Variants in MCC observed in about 807,000 individuals in gnomAD.
MCC encodes colorectal mutant cancer protein.
Under a neutral mutation model 116.2 loss-of-function variants are expected in MCC, and 90 were observed. That is an observed-to-expected ratio of 0.77 (90% CI 0.65 to 0.92). The LOEUF (loss-of-function observed/expected upper bound fraction) is 0.92, where lower values mean the gene tolerates loss of function less well. MCC is among the 40% of genes least tolerant of loss of function. The pLI is 0.00. For missense variants in MCC, 1,516 were observed against 1,312.2 expected (o/e 1.16, Z -2.40); for synonymous variants, 578 against 510.5 (o/e 1.13, Z -1.78).
chr5:113,437,628 A>C (rs899804524), intron 1 of MCC, among the ~76,000 whole-genome samples: 4 of 152,216 alleles, frequency 2.6e-5, no homozygotes, highest in Non-Finnish European at 4.4e-5. Context: ...TGAAGGAGAA[A>C]TAGTGCTGCA....
At chr5:113,394,607 G>T (rs1769480672) in intron 1 of MCC, among the ~76,000 whole-genome samples, 1 of 152,034 alleles carries the variant, frequency 6.6e-6, no homozygotes, top group African/African-American at 2.4e-5. Context: ...TTGTCCCTCT[G>T]CTCAGAACAT....
chr5:113,319,442 A>G (rs561037547), intron 3 of MCC, among the ~76,000 whole-genome samples: 5 of 152,204 alleles, frequency 3.3e-5, no homozygotes, highest in Admixed American at 1.3e-4. Context: ...GTCCTATTTG[A>G]TGCCATGTGG....
In MCC at chr5:113,121,981, G is replaced by T. The variant is rs144801738; in HGVS notation, c.1027+703C>A. Among the ~76,000 whole-genome samples, 242 of 152,298 alleles carry T rather than the reference G, an allele frequency of 1.6e-3. 3 individuals carry two copies. The highest frequency in any genetic ancestry group is 4.5e-3 in the Admixed American group (69 of 15,302). On this transcript the variant is annotated intron_variant, in intron 6 of 18. Transcript: ENST00000408903. ...TAACATTTTGACTGCAACCCAGTTAGAACATTCATTTGGCAACTTACTGCC... is the reference window on the plus strand; with the variant it reads ...TAACATTTTGACTGCAACCCAGTTATAACATTCATTTGGCAACTTACTGCC...
intron 1 of MCC, among the ~76,000 whole-genome samples, chr5:113,450,671 T>G (rs1771366159): frequency 2.0e-5 from 3 of 152,224 alleles, no homozygotes. Flanking sequence ...GATTTTGGAT[T>G]TCTTTTCATA....
chr5:113,463,431 G>A (rs1407357033), intron 1 of MCC, among the ~76,000 whole-genome samples: 1 of 152,186 alleles, frequency 6.6e-6, no homozygotes, highest in East Asian at 1.9e-4. Flanking sequence ...GAGATGGAAA[G>A]AAGTAGACAG....
intron 1 of MCC, among the ~76,000 whole-genome samples, chr5:113,458,251 A>C (rs1275697687): frequency 6.6e-6 from 1 of 151,990 alleles, no homozygotes; most frequent in Non-Finnish European, 1.5e-5. Flanking sequence ...TGTAACACTC[A>C]CTGCGAAGGT....
At chr5:113,250,490 G>A (rs1226422278) in intron 3 of MCC, among the ~76,000 whole-genome samples, 1 of 152,178 alleles carries the variant, frequency 6.6e-6, no homozygotes, top group Non-Finnish European at 1.5e-5. Flanking sequence ...TGCTCCCACA[G>A]CACGCTGCCT....
At chr5:113,207,394 A>C (rs1163113285) in intron 3 of MCC, among the ~76,000 whole-genome samples, 1 of 141,890 alleles carries the variant, frequency 7.0e-6, no homozygotes, top group Non-Finnish European at 1.5e-5. Flanking sequence ...CAAGGCAATG[A>C]CAGAGACACA....
chr5:113,156,670 G>C (rs1389182522), intron 3 of MCC, among the ~76,000 whole-genome samples: 2 of 152,128 alleles, frequency 1.3e-5, no homozygotes, highest in African/African-American at 4.8e-5. Flanking sequence ...CTGACACTTT[G>C]TATACAAATC....
chr5:113,161,975 C>T (rs1760510852), intron 3 of MCC, among the ~76,000 whole-genome samples: 1 of 152,172 alleles, frequency 6.6e-6, no homozygotes, highest in African/African-American at 2.4e-5. Flanking sequence ...GGGCTGCTGA[C>T]GGATGGGCCA....
intron 3 of MCC, among the ~76,000 whole-genome samples, chr5:113,187,768 A>G (rs1761968557): frequency 6.7e-6 from 1 of 149,742 alleles, no homozygotes; most frequent in Non-Finnish European, 1.5e-5. Context: ...AAAAAAAAAA[A>G]AAAGAAAGAA....
intron 3 of MCC, among the ~76,000 whole-genome samples, chr5:113,202,720 C>T (rs1561454386): frequency 6.6e-6 from 1 of 151,804 alleles, no homozygotes; most frequent in Non-Finnish European, 1.5e-5. Context: ...GTTCCCATTC[C>T]CCAGCTCCCC....
At chr5:113,077,803 G>C (rs995759373) in intron 11 of MCC, among the ~76,000 whole-genome samples, 4 of 152,052 alleles carry the variant, frequency 2.6e-5, no homozygotes, top group Non-Finnish European at 5.9e-5. Context: ...AAAAAACTAA[G>C]ATCAGAGCAG....
At chr5:113,155,058 T>G (rs1397717038) in intron 3 of MCC, among the ~76,000 whole-genome samples, 1 of 152,198 alleles carries the variant, frequency 6.6e-6, no homozygotes, top group East Asian at 1.9e-4. Flanking sequence ...CTTCCCCACC[T>G]CTGGTATCTA....
chr5:113,337,541 T>C (rs11750752), intron 3 of MCC, among the ~76,000 whole-genome samples: 21,908 of 152,094 alleles, frequency 0.14, 2,111 homozygotes, highest in Non-Finnish European at 0.2. Context: ...GCCTTAGGGG[T>C]AGTGGCTGTT....
intron 3 of MCC, among the ~76,000 whole-genome samples, chr5:113,302,255 CAA>C (rs142584118): frequency 5.9e-5 from 9 of 151,278 alleles, no homozygotes; most frequent in African/African-American, 1.9e-4. Context: ...ACATTAACCA[CAA>C]AAAAAACCCT....
chr5:113,476,229 CA>C (rs1772231813), intron 1 of MCC, among the ~76,000 whole-genome samples: 1 of 152,118 alleles, frequency 6.6e-6, no homozygotes, highest in Admixed American at 6.5e-5. Context: ...AGGGACCAAC[CA>C]CAGACTAAAA....
At chr5:113,323,845 C>T (rs889123087) in intron 3 of MCC, among the ~76,000 whole-genome samples, 1 of 152,066 alleles carries the variant, frequency 6.6e-6, no homozygotes, top group African/African-American at 2.4e-5. Context: ...ATGATCATAC[C>T]TCTGAATAGC....
At position 113,459,250 on chromosome 5, in the gene MCC, C is replaced by A. The variant is rs1295329293; in HGVS notation, c.170+28995G>T. ...AAAAATATACCTTTTGAAAAAGCCACAGGCCAGGTGCGGTGGCTCACACCT... is the reference window on the plus strand; with the variant it reads ...AAAAATATACCTTTTGAAAAAGCCAAAGGCCAGGTGCGGTGGCTCACACCT... On this transcript the variant is annotated intron_variant, in intron 1 of 18. Transcript: ENST00000408903. Among the ~76,000 whole-genome samples the A allele has an allele frequency of 2.0e-5, 3 of 150,908 alleles. No individual in the cohort carries two copies. In the East Asian group the frequency reaches 5.9e-4, roughly 29 times the overall value.
Sources: allele counts gnomAD v4.1 joint callset (sites outside exome capture counted in the v4.1 genomes callset), GRCh38; gene constraint gnomAD v4.1.1; transcripts MANE v1.5; gene names NCBI Gene and HGNC (gene_info 2026-07-23, HGNC 2026-07-21).